EYA3: variants seen among roughly 807,000 people sequenced by gnomAD.
The protein encoded by EYA3 is EYA transcriptional coactivator and phosphatase 3.
Under a neutral mutation model 80.0 loss-of-function variants are expected in EYA3, and 39 were observed. That is an observed-to-expected ratio of 0.49 (90% confidence interval 0.38 to 0.64). The LOEUF is 0.64. Among genes scored for constraint, EYA3 ranks in the 30% least tolerant of loss-of-function variants. The pLI, the probability that EYA3 is intolerant of heterozygous loss-of-function variation, is 0.00. For synonymous variants in EYA3, 206 were observed against 232.8 expected (o/e 0.88, Z 1.05); for missense variants, 523 against 676.1 (o/e 0.77, Z 2.51).
intron 3 of EYA3, among the ~76,000 whole-genome samples, chr1:28,043,629 G>C (rs908122025): frequency 1.3e-5 from 2 of 152,160 alleles, no homozygotes; most frequent in African/African-American, 4.8e-5. Flanking sequence ...CTTGAGATCA[G>C]GAGTTTGAGA....
intron 6 of EYA3, 146 bp from the exon 7 acceptor site, chr1:28,028,072 C>T: frequency 2.4e-6 from 2 of 838,912 alleles, no homozygotes; most frequent in Non-Finnish European, 1.8e-6. Flanking sequence ...TTGAATCTCC[C>T]ACTTGTAATA....
In EYA3 at chr1:27,994,501, A is replaced by G. The variant is rs2148738314; in HGVS notation, c.1143-941T>C. 2.0e-5 allele frequency among the ~76,000 whole-genome samples: 3 copies of G among 152,170 alleles called. 1 individual carries two copies. Among genetic ancestry groups the G allele is most frequent in the Admixed American group, 2.0e-4 (3 of 15,292 alleles). On this transcript the variant is annotated intron_variant, in intron 13 of 17. Transcript: ENST00000373871. ...ATCTCCTGAGGTCCCGCCTCGGCCA[A>G]CATGGTGAAACCCTGTCTTTACAAA...
chr1:27,989,731 T>C lies in EYA3; in HGVS notation c.1384A>G (p.Thr462Ala). The C allele has an allele frequency of 1.9e-6, 3 of 1,612,368 alleles. No homozygotes were observed. The highest frequency in any genetic ancestry group is 2.5e-6 in the Non-Finnish European group (3 of 1,179,078). Residue 462 changes from threonine (T) to alanine (A), a missense_variant, in exon 15 of 18, where the codon ACT becomes GCT. By Grantham distance (58) the Thr-to-Ala change is moderately conservative (BLOSUM62 0). Transcript: ENST00000373871. ...ATGAGAAGTAAGGACTTTAATGCAG[T>C]TCCTAACCAGGAATCTGTTAAAACT... ...IEVLTDSWLG[T>A]ALKSLLLIQS...
Position 27,978,423 on chromosome 1 carries a change from G to A in EYA3, c.1592C>T (p.Thr531Ile). The A allele has an allele frequency of 1.2e-6, 2 of 1,614,092 alleles. No individual in the cohort carries two copies. Among genetic ancestry groups the A allele is most frequent in the Non-Finnish European group, 1.7e-6 (2 of 1,180,004 alleles). The change falls in exon 17 of 18, where the codon ACA becomes ATA. Residue 531 changes from threonine to isoleucine, a missense_variant. Thr to Ile is a moderately conservative substitution (Grantham distance 89). Coordinates refer to ENST00000373871, the MANE Select transcript of EYA3 (RefSeq NM_001990.4). Reference protein sequence around the residue: ...RIVSRFGKKVTYVVIGDGRDE... With the variant: ...RIVSRFGKKVIYVVIGDGRDE... The stretch of plus-strand genomic sequence containing the variant: ...TCGTCCATCTCCAATCACTACATAT[G>A]TGACTTTCTTTCCAAACCTTGACAC...
At chr1:27,994,542 C>T (rs949568004) in intron 13 of EYA3, among the ~76,000 whole-genome samples, 1 of 152,058 alleles carries the variant, frequency 6.6e-6, no homozygotes, top group Admixed American at 6.5e-5. Context: ...CAAAAATTAG[C>T]TGGGTGTGGT....
intron 1 of EYA3, among the ~76,000 whole-genome samples, chr1:28,077,045 T>A (rs1001159200): frequency 6.6e-6 from 1 of 151,204 alleles, no homozygotes; most frequent in African/African-American, 2.4e-5. Context: ...CCGGTCTGTT[T>A]TTATAATTTC....
rs1641569929 is a variant in EYA3 at position 28,009,853 on chromosome 1, T to G, written c.909+1094A>C. 6.6e-6 allele frequency among the ~76,000 whole-genome samples: 1 copy of G among 152,134 alleles called. No homozygotes were observed. Among genetic ancestry groups the G allele is most frequent in the Admixed American group, 6.6e-5 (1 of 15,264 alleles). ...GGTACAGAGTTTTCATTTGGAATCA[T>G]GAAAAAGTTCTAGAAATATACAGTG... On this transcript the variant is annotated intron_variant, in intron 10 of 17. Coordinates refer to ENST00000373871, the MANE Select transcript of EYA3 (RefSeq NM_001990.4). The surrounding 1 kb of genome is among the most constrained non-coding windows in gnomAD (Gnocchi z 4.8).
intron 1 of EYA3, among the ~76,000 whole-genome samples, chr1:28,076,664 C>A (rs1213214553): frequency 3.8e-5 from 4 of 105,504 alleles, no homozygotes; most frequent in Admixed American, 1.1e-4. Context: ...CAAGACTCTG[C>A]CTAAAAAAAA....
At chr1:28,044,524 GTTC>G (rs1020804508) in intron 3 of EYA3, among the ~76,000 whole-genome samples, 1 of 152,096 alleles carries the variant, frequency 6.6e-6, no homozygotes, top group Non-Finnish European at 1.5e-5. Flanking sequence ...AGCTTGCTTT[GTTC>G]TTCTACTCTC....
intron 1 of EYA3, among the ~76,000 whole-genome samples, chr1:28,081,212 A>G (rs1438771351): frequency 1.3e-5 from 2 of 152,214 alleles, no homozygotes; most frequent in Non-Finnish European, 2.9e-5. Context: ...ATACATAGAA[A>G]TGAAAGCAAA....
intron 1 of EYA3, among the ~76,000 whole-genome samples, chr1:28,059,598 T>C (rs1289982236): frequency 6.6e-6 from 1 of 152,230 alleles, no homozygotes; most frequent in East Asian, 1.9e-4. Context: ...ACAATCCTTT[T>C]CATTTTATAC....
intron 15 of EYA3, among the ~76,000 whole-genome samples, chr1:27,989,391 T>A (rs77838385): frequency 6.6e-6 from 1 of 152,190 alleles, no homozygotes; most frequent in Non-Finnish European, 1.5e-5. Flanking sequence ...ATCTCCTCCA[T>A]GTATTCTTTG....
Position 28,016,875 on chromosome 1 carries a change from C to T in EYA3, c.585+279G>A, listed in dbSNP as rs140799722. ...AGAAAAATAAATCCCTACCTTCATG[C>T]AGCTTACATTCTAGTAGGGGCAGAG... On this transcript the variant is annotated intron_variant, in intron 8 of 17. Coordinates refer to ENST00000373871, the MANE Select transcript of EYA3 (RefSeq NM_001990.4). Among the ~76,000 whole-genome samples, 14 of 152,244 alleles carry T rather than the reference C, an allele frequency of 9.2e-5. No homozygotes were observed. In the East Asian group the frequency reaches 1.9e-3, roughly 21 times the overall value.
At chr1:28,086,967 A>T (rs572595995) in intron 1 of EYA3, among the ~76,000 whole-genome samples, 1 of 152,196 alleles carries the variant, frequency 6.6e-6, no homozygotes, top group Admixed American at 6.6e-5. Context: ...AGGACTATAC[A>T]CTCTTATATG....
At chr1:28,043,344 AAAC>A (rs199526832) in intron 3 of EYA3, among the ~76,000 whole-genome samples, 1,646 of 142,938 alleles carry the variant, frequency 0.012, 12 homozygotes, top group South Asian at 0.022. Context: ...AAAAAAAAAA[AAAC>A]GTGAAAACAC....
At chr1:28,053,622 A>G (rs997208689) in intron 2 of EYA3, among the ~76,000 whole-genome samples, 3 of 152,248 alleles carry the variant, frequency 2.0e-5, no homozygotes, top group Non-Finnish European at 4.4e-5. Flanking sequence ...CAACAGCAGG[A>G]AACAGCAGCA....
intron 12 of EYA3, 42 bp downstream of exon 12, chr1:27,999,918 G>C: frequency 7.4e-7 from 1 of 1,346,876 alleles, no homozygotes; most frequent in East Asian, 2.3e-5. Flanking sequence ...GTTATTGAAT[G>C]AAGTGTCTCA....
intron 7 of EYA3, among the ~76,000 whole-genome samples, chr1:28,020,649 TA>T (rs890654986): frequency 6.8e-6 from 1 of 147,290 alleles, no homozygotes; most frequent in African/African-American, 2.5e-5. Context: ...CAGGCACTTT[TA>T]AAAAAATACA....
At chr1:28,073,131 T>A (rs867659567) in intron 1 of EYA3, among the ~76,000 whole-genome samples, 143 of 37,672 alleles carry the variant, frequency 3.8e-3, no homozygotes, top group African/African-American at 9.6e-3. Flanking sequence ...ATATATATTT[T>A]TTTTTTTTTT....
Sources: gnomAD v4.1 joint callset for allele counts (sites outside exome capture counted in the v4.1 genomes callset) on GRCh38, gnomAD v4.1.1 for gene constraint, Gnocchi (gnomAD v3.1) non-coding constraint, MANE v1.5 for transcripts, NCBI Gene and HGNC (gene_info 2026-07-23, HGNC 2026-07-21) for gene names.